Variants in MAPDA observed in about 807,000 individuals in gnomAD.
MAPDA encodes N6-Methyl-AMP deaminase.
chr15:43,342,520 G>A, the MAPDA span, among the ~76,000 whole-genome samples: 3 of 151,282 alleles, frequency 2.0e-5, no homozygotes, highest in Admixed American at 6.6e-5. Context: ...AGGCCAAGGC[G>A]GGCGTGTCAC....
chr15:43,350,279 T>C, the MAPDA span, among the ~76,000 whole-genome samples: 1 of 150,674 alleles, frequency 6.6e-6, no homozygotes, highest in South Asian at 2.1e-4. Context: ...GGGGTTTCAC[T>C]GTGTTAGCCA....
the MAPDA span, chr15:43,352,002 C>T: frequency 2.0e-6 from 3 of 1,492,858 alleles, no homozygotes; most frequent in Admixed American, 4.2e-5. Context: ...CCTGCCATAT[C>T]CCACTTAGTA....
chr15:43,340,458 G>A, the MAPDA span: 1 of 881,186 alleles, frequency 1.1e-6, no homozygotes, highest in Non-Finnish European at 1.8e-6. Context: ...ATACTATTGT[G>A]TTGTTCTGTA....
At chr15:43,339,271 G>A in the MAPDA span, among the ~76,000 whole-genome samples, 1 of 152,208 alleles carries the variant, frequency 6.6e-6, no homozygotes, top group Non-Finnish European at 1.5e-5. Flanking sequence ...GAATGCAGAT[G>A]TATTATCTTT....
the MAPDA span, chr15:43,351,121 C>A: frequency 6.6e-6 from 9 of 1,358,010 alleles, no homozygotes; most frequent in Non-Finnish European, 8.2e-6. Flanking sequence ...ATCTAGCTGA[C>A]TGCCTTGCAT....
At chr15:43,338,315 T>G in the MAPDA span, among the ~76,000 whole-genome samples, 5 of 152,226 alleles carry the variant, frequency 3.3e-5, no homozygotes, top group Admixed American at 1.3e-4. Context: ...GGGAGATCAC[T>G]TAAAACTCTA....
chr15:43,338,399 G>C, the MAPDA span, among the ~76,000 whole-genome samples: 2 of 152,328 alleles, frequency 1.3e-5, 1 homozygote, highest in Admixed American at 1.3e-4. Flanking sequence ...GTTATTACAT[G>C]TACCAGACAT....
At chr15:43,333,235 C>T in the MAPDA span, 41,737 of 151,716 alleles carry the variant, frequency 0.28, 8,956 homozygotes, top group African/African-American at 0.59. Flanking sequence ...CATGGTGAGA[C>T]CCCGTCTCTA....
the MAPDA span, chr15:43,354,440 G>A: frequency 6.6e-6 from 1 of 152,064 alleles, no homozygotes; most frequent in African/African-American, 2.4e-5. Flanking sequence ...TAAAAATGTT[G>A]CAGAACAGAT....
At chr15:43,336,675 G>A in the MAPDA span, 1 of 1,554,334 alleles carries the variant, frequency 6.4e-7, no homozygotes, top group East Asian at 2.4e-5. Context: ...TAGCCCTGAA[G>A]ATATTCTAAT....
chr15:43,336,614 T>A, the MAPDA span: 1 of 1,562,828 alleles, frequency 6.4e-7, no homozygotes, highest in Non-Finnish European at 8.6e-7. Context: ...AAACTTTTCA[T>A]TCATGTTGCA....
chr15:43,348,629 T>G, the MAPDA span, among the ~76,000 whole-genome samples: 1 of 152,204 alleles, frequency 6.6e-6, no homozygotes, highest in Non-Finnish European at 1.5e-5. Context: ...TCTTAATACT[T>G]TTTAAGATTC....
At chr15:43,351,957 G>T in the MAPDA span, 10 of 1,545,578 alleles carry the variant, frequency 6.5e-6, no homozygotes, top group South Asian at 1.2e-5. Context: ...CTATAATGAG[G>T]TGAACTACTT....
the MAPDA span, chr15:43,330,538 C>A: frequency 6.6e-7 from 1 of 1,504,908 alleles, no homozygotes; most frequent in Admixed American, 2.4e-5. Flanking sequence ...GTGAGCCGCC[C>A]CTTGGTTAGC....
chr15:43,343,364 C>T, the MAPDA span, among the ~76,000 whole-genome samples: 2 of 152,170 alleles, frequency 1.3e-5, no homozygotes, highest in African/African-American at 4.8e-5. Flanking sequence ...GATCTGGCTG[C>T]CTCTGTTACT....
the MAPDA span, chr15:43,343,050 C>G: frequency 6.9e-6 from 11 of 1,586,206 alleles, no homozygotes; most frequent in Non-Finnish European, 9.4e-6. Flanking sequence ...ACAGTCCAAA[C>G]AAGAAAACTT....
the MAPDA span, among the ~76,000 whole-genome samples, chr15:43,346,580 G>T: frequency 6.6e-6 from 1 of 152,250 alleles, no homozygotes; most frequent in African/African-American, 2.4e-5. Flanking sequence ...AGCTGAATAA[G>T]AGAGTCCCAT....
chr15:43,347,975 G>A, the MAPDA span, among the ~76,000 whole-genome samples: 1 of 152,204 alleles, frequency 6.6e-6, no homozygotes, highest in African/African-American at 2.4e-5. Context: ...CCTAACTGAT[G>A]TGTGATAGAA....
At chr15:43,330,691 C>G in the MAPDA span, 11 of 507,650 alleles carry the variant, frequency 2.2e-5, no homozygotes, top group Admixed American at 4.2e-4. Flanking sequence ...GCTAAGTTCG[C>G]TTGCGGCTGA....
Sources: allele counts gnomAD v4.1 joint callset (sites outside exome capture counted in the v4.1 genomes callset), GRCh38; gene constraint gnomAD v4.1.1; transcripts MANE v1.5; gene names NCBI Gene and HGNC (gene_info 2026-07-23, HGNC 2026-07-21).